CSNK1E: variants seen among roughly 807,000 people sequenced by gnomAD.
CSNK1E encodes casein kinase 1 epsilon.
CSNK1E carries 17 observed loss-of-function variants against 46.1 expected under a neutral mutation model. That is an observed-to-expected ratio of 0.37 (90% CI 0.25 to 0.55). The LOEUF (loss-of-function observed/expected upper bound fraction) is 0.55. CSNK1E is among the 20% of genes least tolerant of loss of function. The pLI, the probability that CSNK1E is intolerant of heterozygous loss-of-function variation, is 0.82. For missense variants in CSNK1E, 386 were observed against 595.4 expected (o/e 0.65, Z 3.66); for synonymous variants, 241 against 242.6 (o/e 0.99, Z 0.06).
At chr22:38,297,142 T>C in intron 7 of CSNK1E, 1 of 779,126 alleles carries the variant, frequency 1.3e-6, no homozygotes, top group Non-Finnish European at 2.4e-6. Flanking sequence ...GCTACCATCT[T>C]GGACAGTGTC....
intron 10 of CSNK1E, 38 bp downstream of exon 10, chr22:38,293,217 G>A (rs894106618): frequency 1.6e-5 from 25 of 1,562,028 alleles, no homozygotes; most frequent in African/African-American, 9.5e-5. Context: ...CTTCTAGGTC[G>A]GCTGGGCTGG....
intron 2 of CSNK1E, among the ~76,000 whole-genome samples, chr22:38,312,565 A>C (rs1344483346): frequency 6.6e-6 from 1 of 152,136 alleles, no homozygotes; most frequent in Admixed American, 6.5e-5. Context: ...TCGCAGAGAA[A>C]AACCTTTAAA....
At chr22:38,318,053 T>G (rs541871629), upstream of CSNK1E, 10 of 152,326 alleles carry the variant, frequency 6.6e-5, no homozygotes, top group South Asian at 2.1e-3. Context: ...CAAACTGTGA[T>G]GGGCACAGAG....
At chr22:38,311,807 T>C (rs2092722150) in intron 2 of CSNK1E, among the ~76,000 whole-genome samples, 1 of 146,302 alleles carries the variant, frequency 6.8e-6, no homozygotes, top group Non-Finnish European at 1.5e-5. Flanking sequence ...TTTCTTTCCT[T>C]CTTTTTTTTT....
intron 10 of CSNK1E, chr22:38,292,598 T>C (rs574070479): frequency 6.6e-6 from 1 of 152,664 alleles, no homozygotes; most frequent in Non-Finnish European, 1.5e-5. Context: ...TCCCCCGACG[T>C]GTCGGACTAC....
chr22:38,310,564 A>G (rs2092716496), intron 2 of CSNK1E, among the ~76,000 whole-genome samples: 1 of 152,202 alleles, frequency 6.6e-6, no homozygotes, highest in Admixed American at 6.5e-5. Flanking sequence ...GTCAGCGAAC[A>G]ACACTGTTCG....
Position 38,298,075 on chromosome 22 carries a change from G to T in CSNK1E, c.885+711C>A. ...CAAGTGGCAAATTTTGGAAAAGCCAGACCTCAGAGGATCCTTACCAGTACG... is the reference window on the plus strand; with the variant it reads ...CAAGTGGCAAATTTTGGAAAAGCCATACCTCAGAGGATCCTTACCAGTACG... On this transcript the variant is annotated intron_variant, in intron 7 of 10. Transcript: ENST00000396832. The surrounding 1 kb of genome is among the most constrained non-coding windows in gnomAD (Gnocchi z 4.2). 1 of 1,176,410 alleles carries T rather than the reference G, an allele frequency of 8.5e-7. No individual in the cohort carries two copies. The highest frequency in any genetic ancestry group is 1.1e-6 in the Non-Finnish European group (1 of 924,622). 72.9% of individuals were successfully genotyped at this position (1,176,410 alleles called of 1,614,324 possible).
In CSNK1E at chr22:38,294,566, C is replaced by G. The variant is rs776909642; in HGVS notation, c.886-32G>C. 6.5e-7 allele frequency: 1 copy of G among 1,548,980 alleles called. No individual in the cohort carries two copies. Among genetic ancestry groups the G allele is most frequent in the Admixed American group, 2.0e-5 (1 of 48,940 alleles). The stretch of plus-strand genomic sequence containing the variant: ...GGATGCAAGAAAAGACACCAGTCAG[C>G]CCCAGAGGCCAGGGTGCTCTGGGCC... On this transcript the variant is annotated intron_variant, in intron 7 of 10. Coordinates refer to ENST00000396832, the MANE Select transcript of CSNK1E (RefSeq NM_152221.3). This position sits in a 1 kb window ranked among gnomAD's most constrained non-coding sequence, Gnocchi z 5.5.
chr22:38,312,203 C>T (rs1475735002), intron 2 of CSNK1E, among the ~76,000 whole-genome samples: 1 of 152,352 alleles, frequency 6.6e-6, no homozygotes, highest in East Asian at 1.9e-4. Context: ...ATTCTCCCAC[C>T]TCAGCCTCCT....
intron 7 of CSNK1E, chr22:38,296,313 C>T: frequency 7.6e-7 from 1 of 1,323,022 alleles, no homozygotes; most frequent in Non-Finnish European, 9.6e-7. Context: ...TGTTGAATTC[C>T]TTCCCGGCCA....
chr22:38,306,624 G>A lies in CSNK1E; in HGVS notation c.77-3376C>T, dbSNP rs182330286. 1.0e-3 allele frequency among the ~76,000 whole-genome samples: 159 copies of A among 152,220 alleles called. 1 individual carries two copies. The highest frequency in any genetic ancestry group is 2.0e-3 in the Non-Finnish European group (137 of 68,028). ...CGCACGCCTGTAATCCCAGCTACTC[G>A]GCAGGCTGAGGCAGGAGAATTGCTT... On this transcript the variant is annotated intron_variant, in intron 2 of 10. Coordinates refer to ENST00000396832, the MANE Select transcript of CSNK1E (RefSeq NM_152221.3).
intron 2 of CSNK1E, among the ~76,000 whole-genome samples, chr22:38,313,614 G>A (rs1288320833): frequency 1.3e-5 from 2 of 152,208 alleles, no homozygotes; most frequent in African/African-American, 4.8e-5. Flanking sequence ...CCACCCCCGA[G>A]GTTACAGGGG....
chr22:38,301,439 A>T (rs1424404027), intron 4 of CSNK1E, among the ~76,000 whole-genome samples: 12 of 148,044 alleles, frequency 8.1e-5, no homozygotes, highest in Non-Finnish European at 1.7e-4. Flanking sequence ...TTCCTTTGAT[A>T]TTTTTTTTTT....
chr22:38,315,203 A>C (rs2145855487), intron 1 of CSNK1E, among the ~76,000 whole-genome samples: 1 of 152,336 alleles, frequency 6.6e-6, no homozygotes, highest in East Asian at 1.9e-4. Context: ...ACTCACAAAC[A>C]GGGCAAAACA....
chr22:38,316,957 C>CCCT (rs1204985191), intron 1 of CSNK1E: 2 of 152,128 alleles, frequency 1.3e-5, no homozygotes, highest in Admixed American at 1.3e-4. Flanking sequence ...ATAACAGGCC[C>CCCT]CCTCCTCCTC....
At position 38,302,936 on chromosome 22, in the gene CSNK1E, A is replaced by C; in HGVS notation, c.261T>G (p.Pro87=). ...AGAAGTTGAACAGGTCCTCGAGGCT[A>C]GGCCCCAGCAGCTCCATGACCATCA... is the stretch of plus-strand genomic sequence containing the variant. ...YNVMVMELLG[P]SLEDLFNFCS... The change falls in exon 4 of 11, where the codon CCT becomes CCG. Residue 87 remains proline (P), a synonymous_variant. Coordinates refer to ENST00000396832, the MANE Select transcript of CSNK1E (RefSeq NM_152221.3). The C allele has an allele frequency of 6.2e-7, 1 of 1,614,150 alleles. No individual in the cohort carries two copies. The highest frequency in any genetic ancestry group is 1.1e-5 in the South Asian group (1 of 91,082).
At chr22:38,314,034 TC>T in intron 2 of CSNK1E, 47 bp downstream of exon 2, 2 of 1,517,306 alleles carry the variant, frequency 1.3e-6, no homozygotes, top group Non-Finnish European at 1.8e-6. Flanking sequence ...CTCCTCTTGG[TC>T]CCATGGGCTG....
At chr22:38,311,851 C>A (rs1171351775) in intron 2 of CSNK1E, among the ~76,000 whole-genome samples, 4 of 149,588 alleles carry the variant, frequency 2.7e-5, no homozygotes, top group African/African-American at 7.4e-5. Flanking sequence ...GTCGCCCAGG[C>A]TGGAGTGCAA....
Position 38,309,897 on chromosome 22 carries a change from G to A in CSNK1E, c.76+4185C>T, listed in dbSNP as rs573589493. Among the ~76,000 whole-genome samples the A allele has an allele frequency of 3.2e-4, 48 of 152,338 alleles. No homozygotes were observed. The highest frequency in any genetic ancestry group is 1.1e-3 in the African/African-American group (44 of 41,578). ...CAAGTGCTGGAAACCTGCCAGAGCT[G>A]CCTCCCCCTGCAGCAGGTCCTGCCA... On this transcript the variant is annotated intron_variant, in intron 2 of 10. Transcript: ENST00000396832. The surrounding 1 kb of genome is among the most constrained non-coding windows in gnomAD (Gnocchi z 4.8).
Sources: allele counts gnomAD v4.1 joint callset (sites outside exome capture counted in the v4.1 genomes callset), GRCh38; gene constraint gnomAD v4.1.1; non-coding constraint Gnocchi (gnomAD v3.1); transcripts MANE v1.5; gene names NCBI Gene and HGNC (gene_info 2026-07-23, HGNC 2026-07-21).